The following GNB1 variants were observed in gnomAD, a reference collection of about 807,000 sequenced individuals.
GNB1 encodes the protein guanine nucleotide-binding protein G(I)/G(S)/G(T) subunit beta-1.
Under a neutral mutation model 42.9 loss-of-function variants are expected in GNB1, and 2 were observed. The observed-to-expected ratio is 0.05, with a 90% CI of 0.02 to 0.15. The LOEUF is 0.15. Among genes scored for constraint, GNB1 ranks in the 10% least tolerant of loss-of-function variants. The pLI is 1.00. For synonymous variants in GNB1, 183 were observed against 174.7 expected, an observed-to-expected ratio of 1.05 and a Z score of -0.38; for missense variants, 193 against 462.2, an observed-to-expected ratio of 0.42 and a Z score of 5.34.
chr1:1,810,658 T>C (rs1570650784), intron 5 of GNB1, among the ~76,000 whole-genome samples: 1 of 150,794 alleles, frequency 6.6e-6, no homozygotes, highest in Non-Finnish European at 1.5e-5. Context: ...GGGCCTTGCA[T>C]GTAGTTTTCT....
At chr1:1,801,162 G>C (rs1646620496) in intron 7 of GNB1, among the ~76,000 whole-genome samples, 1 of 152,174 alleles carries the variant, frequency 6.6e-6, no homozygotes, top group Non-Finnish European at 1.5e-5. Context: ...TGAGCAGCTG[G>C]GACTACAAGC....
chr1:1,850,252 T>C (rs1253427915), intron 1 of GNB1, among the ~76,000 whole-genome samples: 1 of 151,752 alleles, frequency 6.6e-6, no homozygotes, highest in Non-Finnish European at 1.5e-5. Context: ...TGCCTCAACC[T>C]CTCGAGTAGC....
Position 1,789,300 on chromosome 1 carries a change from G to C in GNB1, c.700-31C>G, listed in dbSNP as rs777614392. 6 of 1,245,634 alleles carry C rather than the reference G, an allele frequency of 4.8e-6. No homozygotes were observed. The South Asian group carries it at 7.2e-5, about 15-fold the overall frequency. 77.2% of individuals were successfully genotyped at this position (1,245,634 alleles called of 1,614,324 possible). On this transcript the variant is annotated intron_variant, in intron 9 of 11. Coordinates refer to ENST00000378609, the MANE Select transcript of GNB1 (RefSeq NM_002074.5). ...AAGAGAAAGCAAATCAAGACATCAT[G>C]TAAACGCTCAGAAAGAAACATTGGG...
intron 2 of GNB1, among the ~76,000 whole-genome samples, chr1:1,836,248 G>A (rs1052237909): frequency 4.6e-5 from 7 of 152,248 alleles, no homozygotes; most frequent in South Asian, 2.1e-4. Context: ...TAATGGGGGC[G>A]TGGGCTGTAG....
intron 1 of GNB1, among the ~76,000 whole-genome samples, chr1:1,842,092 G>A (rs1249191320): frequency 2.6e-5 from 4 of 152,184 alleles, no homozygotes; most frequent in Non-Finnish European, 5.9e-5. Flanking sequence ...TGGATCACCT[G>A]AGGTCAGGAG....
intron 4 of GNB1, among the ~76,000 whole-genome samples, chr1:1,817,278 G>A (rs977570747): frequency 3.9e-5 from 6 of 152,122 alleles, no homozygotes; most frequent in Non-Finnish European, 5.9e-5. Context: ...CTGTACTGAC[G>A]TCCATTTAAT....
chr1:1,864,794 T>C (rs1430408502), intron 1 of GNB1, among the ~76,000 whole-genome samples: 1 of 152,252 alleles, frequency 6.6e-6, no homozygotes, highest in Non-Finnish European at 1.5e-5. Flanking sequence ...TTTTACTCAC[T>C]GCATCTTAGA....
intron 1 of GNB1, chr1:1,890,374 G>A (rs1198572210): frequency 6.0e-5 from 9 of 150,446 alleles, no homozygotes; most frequent in Admixed American, 5.9e-4. Flanking sequence ...CCCGATAGGC[G>A]GCCCGCGCGG....
chr1:1,883,024 C>A (rs915566743), intron 1 of GNB1, among the ~76,000 whole-genome samples: 11 of 151,908 alleles, frequency 7.2e-5, no homozygotes, highest in African/African-American at 2.7e-4. Flanking sequence ...GTTACTGTGG[C>A]TCACATCTAT....
intron 7 of GNB1, among the ~76,000 whole-genome samples, chr1:1,803,993 AAAAAAAAAAAG>A (rs1646661111): frequency 2.9e-5 from 3 of 104,626 alleles, no homozygotes; most frequent in Admixed American, 1.1e-4. Flanking sequence ...AAAAAAAAAA[AAAAAAAAAAAG>A]AAAAAAAGGC....
rs34626560 is a variant in GNB1 at position 1,861,110 on chromosome 1, C to CAAA, written c.-95-21875_-95-21873dup. Among the ~76,000 whole-genome samples, 431 of 106,886 alleles carry CAAA rather than the reference C, an allele frequency of 4.0e-3. 6 individuals carry two copies. The highest frequency in any genetic ancestry group is 5.1e-3 in the Non-Finnish European group (294 of 57,848). 70.1% of individuals were successfully genotyped at this position (106,886 alleles called of 152,430 possible). On this transcript the variant is annotated intron_variant, in intron 1 of 11. Coordinates refer to ENST00000378609, the MANE Select transcript of GNB1 (RefSeq NM_002074.5). ...GGCGACAGAGCGAGACTCTGTCTCA[C>CAAA]AAAAAAAAAAAAAAAAAAGGGAACT...
At chr1:1,876,306 G>A (rs1455369086) in intron 1 of GNB1, among the ~76,000 whole-genome samples, 4 of 152,078 alleles carry the variant, frequency 2.6e-5, no homozygotes, top group African/African-American at 9.7e-5. Context: ...CTTGGAGAAG[G>A]ACTTGTTTTT....
Position 1,882,757 on chromosome 1 carries a change from C to T in GNB1, c.-96+8063G>A, listed in dbSNP as rs375788041. 8.6e-5 allele frequency among the ~76,000 whole-genome samples: 13 copies of T among 152,034 alleles called. 1 individual carries two copies. Among genetic ancestry groups the T allele is most frequent in the Admixed American group, 2.6e-4 (4 of 15,242 alleles). ...CCAATATGGTGAAACCCTGTCTCTA[C>T]TAAAAATACAAAAATCAGCTGGGCA... is the stretch of plus-strand genomic sequence containing the variant. On this transcript the variant is annotated intron_variant, in intron 1 of 11. Transcript: ENST00000378609.
In GNB1 at chr1:1,790,658, G is replaced by T; in HGVS notation, c.498-62C>A. 8.6e-7 allele frequency: 1 copy of T among 1,162,634 alleles called. No homozygotes were observed. The highest frequency in any genetic ancestry group is 1.3e-5 in the South Asian group (1 of 79,230). 72.0% of individuals were successfully genotyped at this position (1,162,634 alleles called of 1,614,324 possible). On this transcript the variant is annotated intron_variant, in intron 8 of 11. Transcript: ENST00000378609. The surrounding 1 kb of genome is among the most constrained non-coding windows in gnomAD (Gnocchi z 5.4). Reference sequence around the variant, plus strand: ...TAACTTCTTGGGTGGCTAGTCATGTGACAGACAATCTGTCCTTCAAACCAC... The same window carrying T: ...TAACTTCTTGGGTGGCTAGTCATGTTACAGACAATCTGTCCTTCAAACCAC...
At chr1:1,874,380 G>A (rs955257694) in intron 1 of GNB1, among the ~76,000 whole-genome samples, 5 of 151,960 alleles carry the variant, frequency 3.3e-5, no homozygotes, top group East Asian at 1.9e-4. Flanking sequence ...AGGCTGAGGC[G>A]GGCGGACTGC....
chr1:1,881,544 C>G (rs1368018235), intron 1 of GNB1, among the ~76,000 whole-genome samples: 1 of 151,932 alleles, frequency 6.6e-6, no homozygotes, highest in Non-Finnish European at 1.5e-5. Flanking sequence ...GCTGAGAATA[C>G]AGGTGTGCGC....
intron 1 of GNB1, among the ~76,000 whole-genome samples, chr1:1,851,849 G>A (rs1557928405): frequency 6.6e-6 from 1 of 151,944 alleles, no homozygotes; most frequent in African/African-American, 2.4e-5. Flanking sequence ...TTTGAGACCA[G>A]CCTGACCAAC....
chr1:1,794,118 A>G (rs1271195238), intron 7 of GNB1: 2 of 152,254 alleles, frequency 1.3e-5, no homozygotes, highest in Non-Finnish European at 2.9e-5. Context: ...ACTGGGAAGG[A>G]AGCATCAGAG....
chr1:1,829,460 G>T (rs1242358281), intron 2 of GNB1, among the ~76,000 whole-genome samples: 1 of 152,216 alleles, frequency 6.6e-6, no homozygotes, highest in African/African-American at 2.4e-5. Context: ...ACCCTGTACA[G>T]GAGTTCAGGC....
Sources: gnomAD v4.1 joint callset for allele counts (sites outside exome capture counted in the v4.1 genomes callset) on GRCh38, gnomAD v4.1.1 for gene constraint, Gnocchi (gnomAD v3.1) non-coding constraint, MANE v1.5 for transcripts, NCBI Gene and HGNC (gene_info 2026-07-23, HGNC 2026-07-21) for gene names.